EPS15: variants seen among roughly 807,000 people sequenced by gnomAD.
The protein encoded by EPS15 is epidermal growth factor receptor substrate 15.
A neutral mutation model predicts 113.8 loss-of-function variants in EPS15; 72 were observed. That is an observed-to-expected ratio of 0.63 (90% confidence interval 0.52 to 0.77). The LOEUF is 0.77. EPS15 is among the 30% of genes least tolerant of loss of function. The probability of loss-of-function intolerance (pLI) is 0.00; values close to 1 mark genes in which losing one functional copy is unlikely to be tolerated. For synonymous variants in EPS15, 344 were observed against 363.4 expected, an observed-to-expected ratio of 0.95 and a Z score of 0.61; for missense variants, 1,048 against 1,045.8, an observed-to-expected ratio of 1.00 and a Z score of -0.03.
At chr1:51,402,546 A>G in intron 17 of EPS15, 21 bp from the exon 18 acceptor site, 1 of 1,318,184 alleles carries the variant, frequency 7.6e-7, no homozygotes, top group Non-Finnish European at 1.1e-6. Flanking sequence ...TTTTAAATTA[A>G]AATTATTTTT....
intron 19 of EPS15, among the ~76,000 whole-genome samples, chr1:51,400,099 A>G (rs1234451937): frequency 1.3e-5 from 2 of 152,226 alleles, no homozygotes; most frequent in Non-Finnish European, 2.9e-5. Flanking sequence ...CTGAGCTCAA[A>G]GCTAACAGCC....
At chr1:51,446,907 T>C in intron 10 of EPS15, 53 bp downstream of exon 10, 4 of 1,430,410 alleles carry the variant, frequency 2.8e-6, no homozygotes, top group Non-Finnish European at 3.8e-6. Context: ...ATGCAGAAAC[T>C]GGAATTGATA....
chr1:51,400,885 GA>G, intron 19 of EPS15, 32 bp downstream of exon 19: 1 of 1,476,350 alleles, frequency 6.8e-7, no homozygotes, highest in Non-Finnish European at 9.3e-7. Flanking sequence ...AGAAATGAAT[GA>G]AAGCTAAGAT....
intron 8 of EPS15, among the ~76,000 whole-genome samples, chr1:51,452,777 C>T (rs538112933): frequency 7.9e-5 from 12 of 152,178 alleles, no homozygotes; most frequent in Admixed American, 1.3e-4. Context: ...TACAATACCA[C>T]GCTGTCCTTT....
intron 2 of EPS15, among the ~76,000 whole-genome samples, chr1:51,480,672 C>G (rs545100297): frequency 6.6e-6 from 1 of 152,156 alleles, no homozygotes; most frequent in Non-Finnish European, 1.5e-5. Context: ...CACCACCAAA[C>G]CCAGCTAATT....
chr1:51,385,684 A>C (rs928403236), intron 21 of EPS15, among the ~76,000 whole-genome samples: 1 of 152,226 alleles, frequency 6.6e-6, no homozygotes, highest in African/African-American at 2.4e-5. Context: ...AATAAACAAA[A>C]TGCAGTATAT....
At chr1:51,435,907 A>G (rs1176547403) in intron 12 of EPS15, among the ~76,000 whole-genome samples, 6 of 152,234 alleles carry the variant, frequency 3.9e-5, no homozygotes. Flanking sequence ...TTGAACATGA[A>G]CAAAACTTTA....
rs1652107976 is a variant in EPS15, at chr1:51,435,857, A to T, written c.1040+4490T>A. 2.0e-5 allele frequency among the ~76,000 whole-genome samples: 3 copies of T among 152,374 alleles called. No individual in the cohort carries two copies. In the South Asian group the frequency reaches 6.2e-4, roughly 32 times the overall value. On this transcript the variant is annotated intron_variant, in intron 12 of 24. Transcript: ENST00000371733. ...GAAAGAAAAGTAATCTGAAGATTTC[A>T]TGGAAGGCTTGACAGAAGAGACAAT...
chr1:51,453,225 G>C (rs898552122), intron 8 of EPS15, among the ~76,000 whole-genome samples: 1 of 152,132 alleles, frequency 6.6e-6, no homozygotes, highest in Non-Finnish European at 1.5e-5. Context: ...CTGCAGATGG[G>C]AGTCATTTCC....
intron 1 of EPS15, among the ~76,000 whole-genome samples, chr1:51,502,182 T>C (rs1053185369): frequency 2.6e-5 from 4 of 152,084 alleles, no homozygotes; most frequent in Admixed American, 2.0e-4. Context: ...GCAGAATTAC[T>C]TAAGCCCAGG....
chr1:51,485,062 A>C (rs1644095956), intron 1 of EPS15, among the ~76,000 whole-genome samples: 1 of 152,168 alleles, frequency 6.6e-6, no homozygotes, highest in Admixed American at 6.5e-5. Flanking sequence ...CTAAGCTCTA[A>C]ATTTTCATTT....
intron 20 of EPS15, among the ~76,000 whole-genome samples, chr1:51,395,365 A>G (rs1647824389): frequency 6.6e-6 from 1 of 152,236 alleles, no homozygotes; most frequent in Non-Finnish European, 1.5e-5. Flanking sequence ...CGATTCCAGA[A>G]TATCATTTTA....
intron 8 of EPS15, chr1:51,457,850 C>T (rs1346115583): frequency 6.6e-6 from 1 of 151,994 alleles, no homozygotes; most frequent in African/African-American, 2.4e-5. Context: ...AACAAAATTT[C>T]CACATTAACT....
chr1:51,365,900 C>A, intron 22 of EPS15, 53 bp downstream of exon 22: 1 of 1,259,840 alleles, frequency 7.9e-7, no homozygotes, highest in Non-Finnish European at 1.1e-6. Context: ...GAGGATTGTT[C>A]TTTTGGTGGA....
chr1:51,480,843 G>T (rs1382314118), intron 2 of EPS15, among the ~76,000 whole-genome samples: 1 of 152,112 alleles, frequency 6.6e-6, no homozygotes, highest in East Asian at 1.9e-4. Flanking sequence ...ACCAGAGGCT[G>T]TATATCTGTA....
chr1:51,417,614 C>T (rs761456744), intron 13 of EPS15, among the ~76,000 whole-genome samples: 57 of 152,328 alleles, frequency 3.7e-4, no homozygotes, highest in African/African-American at 1.2e-3. Context: ...TAAGTGGATA[C>T]GTATTCCTTC....
At chr1:51,358,706 TTTG>T (rs1343018572) in intron 24 of EPS15, among the ~76,000 whole-genome samples, 12 of 143,316 alleles carry the variant, frequency 8.4e-5, no homozygotes, top group African/African-American at 2.6e-4. Context: ...TTTGTTTTTT[TTTG>T]TTTTTTTTTT....
chr1:51,493,504 G>A (rs1039952713), intron 1 of EPS15, among the ~76,000 whole-genome samples: 7 of 149,826 alleles, frequency 4.7e-5, no homozygotes, highest in East Asian at 2.0e-4. Flanking sequence ...CAGCCTGGGC[G>A]ACAGAGCAAG....
At chr1:51,503,711 C>T (rs1644451661) in intron 1 of EPS15, among the ~76,000 whole-genome samples, 1 of 152,094 alleles carries the variant, frequency 6.6e-6, no homozygotes, top group Non-Finnish European at 1.5e-5. Context: ...TACAAAACAA[C>T]AATACTCAAG....
Sources: gnomAD v4.1 joint callset for allele counts (sites outside exome capture counted in the v4.1 genomes callset) on GRCh38, gnomAD v4.1.1 for gene constraint, MANE v1.5 for transcripts, NCBI Gene and HGNC (gene_info 2026-07-23, HGNC 2026-07-21) for gene names.